The following SLC44A3 variants were observed in gnomAD, a reference collection of about 807,000 sequenced individuals.
SLC44A3 encodes the protein choline transporter-like protein 3.
SLC44A3 carries 74 observed loss-of-function variants against 75.4 expected under a neutral mutation model. That is an observed-to-expected ratio of 0.98 (90% CI 0.81 to 1.19). SLC44A3 has a LOEUF of 1.19. Among genes scored for constraint, SLC44A3 ranks in the 50% most tolerant of loss-of-function variants. The pLI is 0.00. For synonymous variants in SLC44A3, 310 were observed against 296.9 expected (o/e 1.04, Z -0.45); for missense variants, 700 against 778.6 (o/e 0.90, Z 1.20).
At chr1:94,871,619 T>G (rs370774309) in intron 12 of SLC44A3, among the ~76,000 whole-genome samples, 5 of 152,366 alleles carry the variant, frequency 3.3e-5, no homozygotes, top group African/African-American at 1.2e-4. Flanking sequence ...CCAGCCATGA[T>G]GTTGGCTTTA....
intron 5 of SLC44A3, 108 bp downstream of exon 5, chr1:94,828,694 C>A: frequency 2.1e-6 from 2 of 954,756 alleles, no homozygotes; most frequent in Non-Finnish European, 3.1e-6. Flanking sequence ...CAGAAGAGCC[C>A]CTGCCTGCAG....
chr1:94,865,289 A>G (rs760078174), intron 11 of SLC44A3, among the ~76,000 whole-genome samples: 1 of 152,184 alleles, frequency 6.6e-6, no homozygotes, highest in Non-Finnish European at 1.5e-5. Context: ...ATAAGATAGG[A>G]ATAATATTTG....
intron 9 of SLC44A3, among the ~76,000 whole-genome samples, chr1:94,855,740 C>T (rs143890084): frequency 3.3e-4 from 51 of 152,332 alleles, no homozygotes; most frequent in Non-Finnish European, 5.9e-4. Context: ...ATCTACAGCA[C>T]GGATATCCTC....
intron 9 of SLC44A3, among the ~76,000 whole-genome samples, chr1:94,850,173 G>T (rs890022390): frequency 6.6e-6 from 1 of 152,014 alleles, no homozygotes; most frequent in East Asian, 1.9e-4. Flanking sequence ...TTGACTAGTT[G>T]ACAAATTCTG....
chr1:94,891,273 A>G lies in SLC44A3; in HGVS notation c.1620+6A>G, dbSNP rs756838767. Reference sequence around the variant, plus strand: ...TCATAATTTTTCTAGGAAAGGTGAGATATCTTGACTAAATAAAGGAGCCTG... The same window carrying G: ...TCATAATTTTTCTAGGAAAGGTGAGGTATCTTGACTAAATAAAGGAGCCTG... On this transcript the variant is annotated splice_donor_region_variant and intron_variant, in intron 13 of 14. Transcript: ENST00000271227. The G allele has an allele frequency of 3.1e-6, 5 of 1,600,388 alleles. No individual in the cohort carries two copies. The highest frequency in any genetic ancestry group is 4.3e-6 in the Non-Finnish European group (5 of 1,175,364).
chr1:94,894,855 G>T lies in SLC44A3; in HGVS notation c.1895G>T (p.Arg632Met). Residue 632 changes from arginine (R) to methionine (M), a missense_variant, in exon 15 of 15, where the codon AGG becomes ATG. Physicochemically the swap from Arg to Met is moderately conservative, Grantham distance 91. Transcript: ENST00000271227. The part of the protein sequence containing the change: ...VKRSNKLNNA[R>M]AQQDKHSLRN... ...AGGAGCAACAAATTAAACAATGCAA[G>T]GGCACAGCAGGACAAGCACTCATTA... 6.2e-7 allele frequency: 1 copy of T among 1,612,238 alleles called. No individual in the cohort carries two copies. The highest frequency in any genetic ancestry group is 2.2e-5 in the East Asian group (1 of 44,742).
chr1:94,824,056 C>A (rs1660963875), intron 2 of SLC44A3, among the ~76,000 whole-genome samples: 1 of 150,596 alleles, frequency 6.6e-6, no homozygotes, highest in African/African-American at 2.4e-5. Context: ...TGCAGAATCC[C>A]TTAAAAGTAA....
Position 94,839,940 on chromosome 1 carries a change from T to A in SLC44A3, c.671-8T>A. 9 of 1,612,890 alleles carry A rather than the reference T, an allele frequency of 5.6e-6. No individual in the cohort carries two copies. The highest frequency in any genetic ancestry group is 6.8e-6 in the Non-Finnish European group (8 of 1,178,878). ...ATTGAGGTTTATGTGTTTTGCTTAA[T>A]TTTTCAGCCTTGTCTTTGGCCATGA... On this transcript the variant is annotated splice_polypyrimidine_tract_variant and splice_region_variant and intron_variant, in intron 6 of 14. Coordinates refer to ENST00000271227, the MANE Select transcript of SLC44A3 (RefSeq NM_001114106.3).
chr1:94,853,313 T>A lies in SLC44A3; in HGVS notation c.1073-4022T>A, dbSNP rs138630420. ...GACCACTGAATAATCATGATTGGAG[T>A]AGGTGAAGAGAAAGTGGGAGGAAAA... On this transcript the variant is annotated intron_variant, in intron 9 of 14. Transcript: ENST00000271227. Among the ~76,000 whole-genome samples the A allele has an allele frequency of 8.7e-4, 132 of 151,600 alleles. 2 individuals carry two copies. In the East Asian group the frequency reaches 0.021, roughly 24 times the overall value.
In SLC44A3 at chr1:94,845,336, T is replaced by G; in HGVS notation, c.944T>G (p.Leu315Arg). ...LRKRIKLTVE[L>R]FQITNKAISS... ...AAGAGAATAAAATTGACAGTTGAGC[T>G]TTTCCAAATCACAAATAAAGCCATC... Residue 315 changes from leucine to arginine, a missense_variant, in exon 9 of 15, where the codon CTT (leucine) becomes CGT (arginine). Leu to Arg is a moderately radical substitution (Grantham distance 102). Transcript: ENST00000271227. 6.2e-7 allele frequency: 1 copy of G among 1,614,036 alleles called. No homozygotes were observed. The highest frequency in any genetic ancestry group is 8.5e-7 in the Non-Finnish European group (1 of 1,179,986).
intron 3 of SLC44A3, chr1:94,825,882 G>A (rs1306175284): frequency 8.8e-6 from 4 of 456,136 alleles, no homozygotes; most frequent in Non-Finnish European, 1.3e-5. Context: ...AGATGCCCAT[G>A]TGCTCCCATT....
intron 8 of SLC44A3, 98 bp from the exon 9 acceptor site, chr1:94,845,180 T>G (rs1664243486): frequency 1.6e-6 from 2 of 1,240,354 alleles, no homozygotes; most frequent in Non-Finnish European, 2.2e-6. Context: ...TTAAAAGAGC[T>G]GTTTGCTGAG....
In SLC44A3 at chr1:94,892,519, T is replaced by C; in HGVS notation, c.1857+2T>C. On this transcript the variant is annotated splice_donor_variant, in intron 14 of 14. Coordinates refer to ENST00000271227, the MANE Select transcript of SLC44A3 (RefSeq NM_001114106.3). LOFTEE classifies it high-confidence loss of function. ...TACTTTATGGATCAAGAATTTCTGG[T>C]AAGCAAACATTTCATTTCCAATTGC... 6.2e-7 allele frequency: 1 copy of C among 1,612,692 alleles called. No individual in the cohort carries two copies. Among genetic ancestry groups the C allele is most frequent in the Middle Eastern group, 1.7e-4 (1 of 6,056 alleles).
chr1:94,862,581 T>A (rs1666703867), intron 10 of SLC44A3, among the ~76,000 whole-genome samples: 1 of 152,174 alleles, frequency 6.6e-6, no homozygotes, highest in Admixed American at 6.5e-5. Flanking sequence ...CCAGGCACCA[T>A]TAGCACTCAA....
intron 12 of SLC44A3, among the ~76,000 whole-genome samples, chr1:94,884,805 G>A (rs1669384025): frequency 1.3e-5 from 2 of 151,966 alleles, no homozygotes; most frequent in Admixed American, 6.6e-5. Flanking sequence ...GATTTCAGGA[G>A]TAAAAAAACG....
chr1:94,845,599 T>C (rs1163154977), intron 9 of SLC44A3, 135 bp downstream of exon 9: 6 of 748,338 alleles, frequency 8.0e-6, no homozygotes, highest in African/African-American at 1.8e-5. Context: ...GCGTTGGTGC[T>C]TGGGGCTCTG....
At chr1:94,854,482 C>G (rs1008768590) in intron 9 of SLC44A3, among the ~76,000 whole-genome samples, 5 of 152,196 alleles carry the variant, frequency 3.3e-5, no homozygotes, top group Non-Finnish European at 7.3e-5. Flanking sequence ...CATTAGCTAC[C>G]CATGATAGTA....
intron 12 of SLC44A3, among the ~76,000 whole-genome samples, chr1:94,885,019 G>A (rs1009163088): frequency 1.3e-5 from 2 of 152,050 alleles, no homozygotes; most frequent in Non-Finnish European, 1.5e-5. Context: ...CCCGAGGCAG[G>A]CAGATCACAT....
intron 11 of SLC44A3, 106 bp downstream of exon 11, chr1:94,865,005 G>A: frequency 8.0e-7 from 1 of 1,245,776 alleles, no homozygotes; most frequent in Admixed American, 2.2e-5. Context: ...ACCTGTGACA[G>A]CGGGCCGTGC....
Sources: allele counts gnomAD v4.1 joint callset (sites outside exome capture counted in the v4.1 genomes callset), GRCh38; gene constraint gnomAD v4.1.1; transcripts MANE v1.5; gene names NCBI Gene and HGNC (gene_info 2026-07-23, HGNC 2026-07-21).